The following DAP variants were observed in gnomAD, a reference collection of about 807,000 sequenced individuals.
DAP encodes death associated protein, also known as death-associated protein 1.
DAP carries 8 observed loss-of-function variants against 13.8 expected under a neutral mutation model. That is an observed-to-expected ratio of 0.58 (90% confidence interval 0.34 to 1.05). DAP has a LOEUF of 1.05. Among genes scored for constraint, DAP ranks in the 50% least tolerant of loss-of-function variants. The pLI is 0.03. For missense variants in DAP, 106 were observed against 133.2 expected (o/e 0.80, Z 1.01); for synonymous variants, 47 against 47.5 (o/e 0.99, Z 0.04).
chr5:10,690,421 A>G (rs1362151691), intron 2 of DAP, among the ~76,000 whole-genome samples: 1 of 152,160 alleles, frequency 6.6e-6, no homozygotes, highest in Non-Finnish European at 1.5e-5. Context: ...CTATTTCCAG[A>G]ACTTTTTCAT....
At chr5:10,719,374 G>A (rs933983823) in intron 2 of DAP, among the ~76,000 whole-genome samples, 12 of 152,192 alleles carry the variant, frequency 7.9e-5, no homozygotes, top group African/African-American at 1.4e-4. Flanking sequence ...CAGATCCAAC[G>A]GTGCTGGAGT....
chr5:10,694,578 C>A (rs983177393), intron 2 of DAP, among the ~76,000 whole-genome samples: 2 of 152,062 alleles, frequency 1.3e-5, no homozygotes, highest in African/African-American at 2.4e-5. Context: ...TCAAATCAAA[C>A]CCTCTGTCAG....
chr5:10,727,556 G>C (rs1188082881), intron 2 of DAP, among the ~76,000 whole-genome samples: 2 of 152,174 alleles, frequency 1.3e-5, no homozygotes, highest in African/African-American at 4.8e-5. Flanking sequence ...GTTTAGATGG[G>C]GGGGACTGGG....
intron 2 of DAP, among the ~76,000 whole-genome samples, chr5:10,690,259 T>C (rs1409181032): frequency 6.6e-6 from 1 of 152,158 alleles, no homozygotes; most frequent in Non-Finnish European, 1.5e-5. Context: ...CTAAAGACAG[T>C]CCAAGCTCTC....
intron 2 of DAP, among the ~76,000 whole-genome samples, chr5:10,711,227 G>C (rs2126651948): frequency 6.6e-6 from 1 of 152,362 alleles, no homozygotes; most frequent in Admixed American, 6.5e-5. Context: ...GGGATCAGCA[G>C]GGCCAAGAGC....
intron 2 of DAP, among the ~76,000 whole-genome samples, chr5:10,729,023 G>C (rs55720372): frequency 6.6e-6 from 1 of 152,212 alleles, no homozygotes; most frequent in South Asian, 2.1e-4. Flanking sequence ...TAATTAAACA[G>C]CATGTTAATT....
intron 2 of DAP, among the ~76,000 whole-genome samples, chr5:10,702,467 G>A (rs535226803): frequency 4.6e-5 from 7 of 152,288 alleles, no homozygotes; most frequent in Admixed American, 1.3e-4. Flanking sequence ...TTGATATCTG[G>A]AGTCCCCAAG....
In DAP at chr5:10,761,086, G is replaced by A. The variant is rs1401191812; in HGVS notation, c.-18C>T. ...GAAGACATGACGCGGCGGGGCTTCC[G>A]CGGGGCCGAGGCGGCGGCGCGGTTC... On this transcript the variant is annotated 5_prime_UTR_variant, in exon 1 of 4. Coordinates refer to ENST00000230895, the MANE Select transcript of DAP (RefSeq NM_004394.3). The A allele has an allele frequency of 3.7e-5, 45 of 1,206,428 alleles. No homozygotes were observed. The highest frequency in any genetic ancestry group is 4.7e-5 in the Non-Finnish European group (45 of 959,788). 74.7% of individuals were successfully genotyped at this position (1,206,428 alleles called of 1,614,324 possible). A position where few individuals can be genotyped will look rare whatever the true frequency, so the allele number is the denominator to read the frequency against.
intron 2 of DAP, among the ~76,000 whole-genome samples, chr5:10,735,671 C>T (rs1194091202): frequency 1.3e-5 from 2 of 152,212 alleles, no homozygotes; most frequent in African/African-American, 2.4e-5. Context: ...CTGTACACAG[C>T]ATGCCCTTGG....
At chr5:10,682,161 T>G (rs1466643157) in intron 3 of DAP, among the ~76,000 whole-genome samples, 4 of 133,998 alleles carry the variant, frequency 3.0e-5, no homozygotes, top group African/African-American at 8.6e-5. Flanking sequence ...AAGCATGGTG[T>G]TTGTGGGTGA....
chr5:10,683,619 C>T (rs768988329), intron 2 of DAP, 48 bp from the exon 3 acceptor site: 4 of 1,584,930 alleles, frequency 2.5e-6, no homozygotes, highest in Non-Finnish European at 2.6e-6. Flanking sequence ...CAGTCCACAA[C>T]AGGGAACACG....
At chr5:10,733,152 CTGCGTGTGTGTGTGTG>C (rs1300471308) in intron 2 of DAP, among the ~76,000 whole-genome samples, 1 of 133,558 alleles carries the variant, frequency 7.5e-6, no homozygotes, top group East Asian at 2.3e-4. Flanking sequence ...AATAATATTC[CTGCGTGTGTGTGTGTG>C]TGTGTGTGTG....
intron 2 of DAP, among the ~76,000 whole-genome samples, chr5:10,697,436 G>A (rs1354109306): frequency 6.6e-6 from 1 of 152,170 alleles, no homozygotes; most frequent in African/African-American, 2.4e-5. Flanking sequence ...TTCTGAACAC[G>A]TCCACGCTTT....
At chr5:10,730,676 T>TG (rs1286663743) in intron 2 of DAP, among the ~76,000 whole-genome samples, 3 of 63,570 alleles carry the variant, frequency 4.7e-5, no homozygotes, top group Non-Finnish European at 9.2e-5. Flanking sequence ...AGAGCCCTGG[T>TG]GGGGGGGAAT....
At chr5:10,718,532 A>G (rs1457397111) in intron 2 of DAP, among the ~76,000 whole-genome samples, 1 of 152,234 alleles carries the variant, frequency 6.6e-6, no homozygotes, top group Non-Finnish European at 1.5e-5. Context: ...GCCACCATCA[A>G]GGACTTGAAA....
intron 2 of DAP, among the ~76,000 whole-genome samples, chr5:10,731,197 G>A (rs1419010020): frequency 8.0e-6 from 1 of 124,834 alleles, no homozygotes; most frequent in Non-Finnish European, 1.6e-5. Context: ...GAGAGCCCTG[G>A]TGGGGGGAAT....
At chr5:10,749,839 A>T (rs1740002759) in intron 1 of DAP, among the ~76,000 whole-genome samples, 2 of 149,988 alleles carry the variant, frequency 1.3e-5, no homozygotes, top group African/African-American at 4.9e-5. Flanking sequence ...GGCTGGCCCT[A>T]AATCCAAAAA....
At chr5:10,710,134 C>T (rs768779735) in intron 2 of DAP, among the ~76,000 whole-genome samples, 10 of 152,288 alleles carry the variant, frequency 6.6e-5, no homozygotes, top group Non-Finnish European at 1.3e-4. Flanking sequence ...CCTCAGCAAA[C>T]GACCCCTCCC....
Position 10,761,036 on chromosome 5 carries a change from A to T in DAP, c.33T>A (p.Thr11=). The part of the protein sequence containing the change: MSSPPEGKLE[T]KAGHPPAVKA... ...TACCGGCGGGCGGGTGTCCAGCTTTAGTCTCTAGTTTCCCTTCGGGAGGCG... is the reference window on the plus strand; with the variant it reads ...TACCGGCGGGCGGGTGTCCAGCTTTTGTCTCTAGTTTCCCTTCGGGAGGCG... The change falls in exon 1 of 4, where the codon ACT becomes ACA. Residue 11 remains threonine, a synonymous_variant. Transcript: ENST00000230895. 8.2e-7 allele frequency: 1 copy of T among 1,213,964 alleles called. No homozygotes were observed. Among genetic ancestry groups the T allele is most frequent in the Non-Finnish European group, 1.0e-6 (1 of 964,938 alleles). The allele number at this position is 1,213,964 out of a possible 1,614,324, so 75.2% of individuals were successfully genotyped here.
Sources: gnomAD v4.1 joint callset for allele counts (sites outside exome capture counted in the v4.1 genomes callset) on GRCh38, gnomAD v4.1.1 for gene constraint, MANE v1.5 for transcripts, NCBI Gene and HGNC (gene_info 2026-07-23, HGNC 2026-07-21) for gene names.